RPS6KA2: variants seen among roughly 807,000 people sequenced by gnomAD.
RPS6KA2 encodes ribosomal protein S6 kinase A2.
Under a neutral mutation model 91.8 loss-of-function variants are expected in RPS6KA2, and 42 were observed. The ratio of observed to expected loss-of-function variants is 0.46; its 90% CI spans 0.36 to 0.59. The LOEUF (loss-of-function observed/expected upper bound fraction) is 0.59, where lower values mean the gene tolerates loss of function less well. Ranked by LOEUF, RPS6KA2 falls within the 20% of genes least tolerant of loss-of-function variation. The probability of loss-of-function intolerance (pLI) is 0.00; values close to 1 mark genes in which losing one functional copy is unlikely to be tolerated. For synonymous variants in RPS6KA2, 414 were observed against 393.6 expected (o/e 1.05, Z -0.61); for missense variants, 798 against 978.5 (o/e 0.82, Z 2.46).
intron 2 of RPS6KA2, among the ~76,000 whole-genome samples, chr6:166,762,722 C>G (rs1416627734): frequency 6.6e-6 from 1 of 152,150 alleles, no homozygotes; most frequent in African/African-American, 2.4e-5. Flanking sequence ...CCCATCCTGT[C>G]CACTCCCAGG....
chr6:166,809,024 A>T (rs1218674460), intron 2 of RPS6KA2, among the ~76,000 whole-genome samples: 1 of 152,210 alleles, frequency 6.6e-6, no homozygotes, highest in Non-Finnish European at 1.5e-5. Context: ...CTGGTGCAAA[A>T]ACAGACAATA....
chr6:166,559,740 TAAAAA>T (rs910747941), intron 1 of RPS6KA2, among the ~76,000 whole-genome samples: 33 of 152,048 alleles, frequency 2.2e-4, no homozygotes, highest in Admixed American at 2.2e-3. Context: ...TCTGTGTTAT[TAAAAA>T]AAAGTTTTAA....
chr6:166,443,195 G>A (rs1156273780), intron 14 of RPS6KA2, among the ~76,000 whole-genome samples: 1 of 152,160 alleles, frequency 6.6e-6, no homozygotes, highest in Admixed American at 6.5e-5. Flanking sequence ...TACATTTAGT[G>A]TATGGGACTG....
At chr6:166,480,947 T>A (rs1455354897) in intron 10 of RPS6KA2, among the ~76,000 whole-genome samples, 3 of 152,218 alleles carry the variant, frequency 2.0e-5, no homozygotes, top group African/African-American at 7.2e-5. Context: ...CAATTTTATA[T>A]ACATATCTTT....
At position 166,770,802 on chromosome 6, in the gene RPS6KA2, A is replaced by C; in HGVS notation, c.123+87398T>G. 9.4e-7 allele frequency: 1 copy of C among 1,058,502 alleles called. No homozygotes were observed. The highest frequency in any genetic ancestry group is 1.3e-6 in the Non-Finnish European group (1 of 765,924). 65.6% of individuals were successfully genotyped at this position (1,058,502 alleles called of 1,614,324 possible). A position where few individuals can be genotyped will look rare whatever the true frequency, so the allele number is the denominator to read the frequency against. On this transcript the variant is annotated intron_variant, in intron 2 of 21. Coordinates refer to the RPS6KA2 transcript ENST00000503859. The surrounding 1 kb of genome is among the most constrained non-coding windows in gnomAD (Gnocchi z 5.1). ...TTGAAAAAGACTTCATGTTTAACTT[A>C]AAAAAAAAATGTAACTCACATAAGC...
chr6:166,424,755 C>T (rs1315719830), intron 16 of RPS6KA2, among the ~76,000 whole-genome samples: 1 of 152,244 alleles, frequency 6.6e-6, no homozygotes, highest in Non-Finnish European at 1.5e-5. Context: ...GCATCACCGT[C>T]ATCCCTGCCT....
chr6:166,413,079 G>A (rs959033193), intron 20 of RPS6KA2, among the ~76,000 whole-genome samples, 192 bp from the exon 21 acceptor site: 12 of 152,048 alleles, frequency 7.9e-5, no homozygotes, highest in African/African-American at 2.9e-4. Flanking sequence ...CAGGAGACAG[G>A]GGCCCTGTCT....
At chr6:166,819,188 G>A (rs1341925598) in intron 2 of RPS6KA2, among the ~76,000 whole-genome samples, 1 of 152,082 alleles carries the variant, frequency 6.6e-6, no homozygotes, top group African/African-American at 2.4e-5. Context: ...CCCTATAAGA[G>A]GGGTTTCTGT....
chr6:166,742,606 T>A (rs957362433), intron 2 of RPS6KA2, among the ~76,000 whole-genome samples: 6 of 152,126 alleles, frequency 3.9e-5, no homozygotes, highest in African/African-American at 1.4e-4. Flanking sequence ...CTGTACTGCA[T>A]CCTAGGTCCT....
intron 2 of RPS6KA2, among the ~76,000 whole-genome samples, chr6:166,731,350 C>T (rs564179801): frequency 7.2e-5 from 11 of 152,270 alleles, no homozygotes; most frequent in Admixed American, 2.6e-4. Flanking sequence ...CTAGAAGCTG[C>T]CGACTGCCCT....
chr6:166,661,714 G>C (rs370600346), intron 2 of RPS6KA2, among the ~76,000 whole-genome samples: 89 of 152,140 alleles, frequency 5.8e-4, no homozygotes, highest in African/African-American at 2.1e-3. Flanking sequence ...AAATCGAATA[G>C]CTTCTTTTTT....
chr6:166,581,377 A>G (rs1438553965), intron 1 of RPS6KA2, among the ~76,000 whole-genome samples: 3 of 152,112 alleles, frequency 2.0e-5, no homozygotes, highest in Non-Finnish European at 4.4e-5. Context: ...AGGCCTCTCT[A>G]CACCCACCTG....
At chr6:166,659,326 C>T (rs1014991853) in intron 2 of RPS6KA2, among the ~76,000 whole-genome samples, 3 of 152,164 alleles carry the variant, frequency 2.0e-5, no homozygotes, top group Non-Finnish European at 4.4e-5. Context: ...CTAACAGTCT[C>T]CCCCAGCTGT....
At chr6:166,860,300 A>C (rs1004009255) in intron 1 of RPS6KA2, among the ~76,000 whole-genome samples, 8 of 152,166 alleles carry the variant, frequency 5.3e-5, no homozygotes, top group Non-Finnish European at 8.8e-5. Flanking sequence ...CCTGAAAAAA[A>C]TTTATTTTGC....
intron 3 of RPS6KA2, among the ~76,000 whole-genome samples, chr6:166,529,578 AG>A (rs1467547825): frequency 2.6e-5 from 4 of 152,278 alleles, no homozygotes; most frequent in Admixed American, 1.3e-4. Flanking sequence ...TAAAAAAAAA[AG>A]TTCACTCTAA....
chr6:166,765,915 C>T (rs1212414488), intron 2 of RPS6KA2, among the ~76,000 whole-genome samples: 1 of 152,228 alleles, frequency 6.6e-6, no homozygotes, highest in African/African-American at 2.4e-5. Flanking sequence ...TATACACTCC[C>T]TTCACGCTGA....
At chr6:166,474,268 A>G (rs1376045590) in intron 10 of RPS6KA2, among the ~76,000 whole-genome samples, 2 of 152,228 alleles carry the variant, frequency 1.3e-5, no homozygotes, top group African/African-American at 4.8e-5. Flanking sequence ...TTAAAAACAC[A>G]TCATCTGGAG....
chr6:166,452,690 A>T (rs1035647571), intron 12 of RPS6KA2, among the ~76,000 whole-genome samples: 1 of 152,148 alleles, frequency 6.6e-6, no homozygotes, highest in African/African-American at 2.4e-5. Flanking sequence ...AGTCAACAAA[A>T]ACTTTGTGGG....
At chr6:166,703,117 A>G (rs1413631523) in intron 2 of RPS6KA2, among the ~76,000 whole-genome samples, 1 of 152,220 alleles carries the variant, frequency 6.6e-6, no homozygotes, top group Non-Finnish European at 1.5e-5. Flanking sequence ...TTTCACAGTC[A>G]TTTTTTAACC....
Sources: gnomAD v4.1 joint callset for allele counts (sites outside exome capture counted in the v4.1 genomes callset) on GRCh38, gnomAD v4.1.1 for gene constraint, Gnocchi (gnomAD v3.1) non-coding constraint, MANE v1.5 for transcripts, NCBI Gene and HGNC (gene_info 2026-07-23, HGNC 2026-07-21) for gene names.